The following CMIP variants were observed in gnomAD, a reference collection of about 807,000 sequenced individuals.
The protein encoded by CMIP is C-Maf-inducing protein.
A neutral mutation model predicts 97.3 loss-of-function variants in CMIP; 13 were observed. The ratio of observed to expected loss-of-function variants is 0.13; its 90% confidence interval spans 0.09 to 0.21. The LOEUF (loss-of-function observed/expected upper bound fraction) is 0.21. Among genes scored for constraint, CMIP ranks in the 10% least tolerant of loss-of-function variants. The pLI is 1.00. For synonymous variants in CMIP, 538 were observed against 436.3 expected, an observed-to-expected ratio of 1.23 and a Z score of -2.91; for missense variants, 847 against 1,024.9, an observed-to-expected ratio of 0.83 and a Z score of 2.37.
chr16:81,691,803 C>A lies in CMIP; in HGVS notation c.1417C>A (p.Leu473Met). Residue 473 changes from leucine (L) to methionine (M), a missense_variant, in exon 11 of 21, where the codon CTG (leucine) becomes ATG (methionine). Physicochemically the swap from Leu to Met is conservative, Grantham distance 15 (BLOSUM62 2). Transcript: ENST00000537098. ...LSDYDDWRPS[L>M]ASLLQPIPFP... ...AGACTATGATGACTGGAGACCGTCT[C>A]TGGCCAGTTTGCTTCAACCCATTCC... 2 of 1,613,992 alleles carry A rather than the reference C, an allele frequency of 1.2e-6. No individual in the cohort carries two copies. The highest frequency in any genetic ancestry group is 1.7e-6 in the Non-Finnish European group (2 of 1,179,866).
At chr16:81,603,825 CT>C (rs1477422193) in intron 1 of CMIP, among the ~76,000 whole-genome samples, 2 of 152,194 alleles carry the variant, frequency 1.3e-5, no homozygotes, top group African/African-American at 4.8e-5. Context: ...AAAGATTGGT[CT>C]TTCTCAAAAT....
chr16:81,466,549 CA>C (rs1907217715), intron 1 of CMIP, among the ~76,000 whole-genome samples: 1 of 152,188 alleles, frequency 6.6e-6, no homozygotes, highest in African/African-American at 2.4e-5. Flanking sequence ...GTCTACATCA[CA>C]GGGTTATCAT....
intron 2 of CMIP, 142 bp from the exon 3 acceptor site, chr16:81,620,730 TAGCA>T: frequency 1.1e-6 from 1 of 910,184 alleles, no homozygotes; most frequent in Non-Finnish European, 1.7e-6. Flanking sequence ...AGGCTCAGCT[TAGCA>T]TATCTTTCAG....
At chr16:81,647,704 C>T (rs2092379447) in intron 3 of CMIP, among the ~76,000 whole-genome samples, 2 of 152,128 alleles carry the variant, frequency 1.3e-5, no homozygotes, top group Admixed American at 6.5e-5. Flanking sequence ...GTCCCTATCC[C>T]AGCTCCACCA....
intron 1 of CMIP, among the ~76,000 whole-genome samples, chr16:81,550,010 C>T (rs940507281): frequency 2.0e-5 from 3 of 152,176 alleles, no homozygotes; most frequent in Non-Finnish European, 2.9e-5. Flanking sequence ...CACCCGTGTG[C>T]GTGGGCAAAT....
chr16:81,593,277 T>C (rs1351636275), intron 1 of CMIP, among the ~76,000 whole-genome samples: 1 of 152,080 alleles, frequency 6.6e-6, no homozygotes, highest in Non-Finnish European at 1.5e-5. Context: ...CTTTCTGTCG[T>C]CTTGATGAAC....
At chr16:81,622,227 C>T (rs1567615827) in intron 3 of CMIP, 3 of 152,106 alleles carry the variant, frequency 2.0e-5, no homozygotes, top group African/African-American at 4.8e-5. Flanking sequence ...GGGCTCAGCT[C>T]GACCTTTCCA....
intron 1 of CMIP, among the ~76,000 whole-genome samples, chr16:81,469,029 C>G (rs1168772908): frequency 6.6e-6 from 1 of 152,218 alleles, no homozygotes; most frequent in Non-Finnish European, 1.5e-5. Context: ...TTGAGAGGAC[C>G]TAATTCTTTG....
chr16:81,661,010 G>A (rs1567641552), intron 6 of CMIP, 64 bp downstream of exon 6: 1 of 1,603,036 alleles, frequency 6.2e-7, no homozygotes, highest in Non-Finnish European at 8.5e-7. Context: ...CGCATACCAG[G>A]GATTGGGTTT....
At chr16:81,458,900 T>C (rs1243751396) in intron 1 of CMIP, among the ~76,000 whole-genome samples, 2 of 152,042 alleles carry the variant, frequency 1.3e-5, no homozygotes, top group African/African-American at 4.8e-5. Flanking sequence ...CTTAGTAGAG[T>C]GTGGACACGT....
At chr16:81,645,368 G>A (rs950030420) in intron 3 of CMIP, 74 of 1,446,330 alleles carry the variant, frequency 5.1e-5, no homozygotes, top group South Asian at 1.2e-4. Flanking sequence ...GTGTACGCGC[G>A]CGAGCCCCAG....
chr16:81,644,706 A>C (rs1446209484), intron 3 of CMIP, among the ~76,000 whole-genome samples: 1 of 152,242 alleles, frequency 6.6e-6, no homozygotes, highest in Non-Finnish European at 1.5e-5. Context: ...GTGAGTCTTG[A>C]ATCAGGGAAG....
At chr16:81,670,716 C>T (rs1297690157) in intron 8 of CMIP, among the ~76,000 whole-genome samples, 4 of 151,860 alleles carry the variant, frequency 2.6e-5, no homozygotes, top group Non-Finnish European at 5.9e-5. Context: ...CCATAGTATC[C>T]CTCGCCCAGT....
At position 81,678,580 on chromosome 16, in the gene CMIP, C is replaced by A. The variant is rs1228524163; in HGVS notation, c.1340C>A (p.Pro447His). 6 of 1,605,142 alleles carry A rather than the reference C, an allele frequency of 3.7e-6. No individual in the cohort carries two copies. Among genetic ancestry groups the A allele is most frequent in the Non-Finnish European group, 5.1e-6 (6 of 1,176,160 alleles). ...AGCACCATGAGCATCGAGCTGGGCC[C>A]CCAGGCCGACCGCACGCTCGGCTGC... The part of the protein sequence containing the change: ...ACSTMSIELG[P>H]QADRTLGCYV... The change falls in exon 10 of 21, where the codon CCC (proline) becomes CAC (histidine). Residue 447 changes from proline (P) to histidine (H), a missense_variant. Physicochemically the swap from Pro to His is moderately conservative, Grantham distance 77. This residue lies in a region of CMIP where 202 missense variants were observed against 168.7 expected (regional missense o/e 1.20). Transcript: ENST00000537098.
intron 19 of CMIP, among the ~76,000 whole-genome samples, chr16:81,706,395 G>C (rs2151108025): frequency 6.6e-6 from 1 of 152,364 alleles, no homozygotes; most frequent in South Asian, 2.1e-4. Context: ...GGCTTGGGAG[G>C]AGGTGGGAGC....
chr16:81,590,895 G>A (rs1232750663), intron 1 of CMIP, among the ~76,000 whole-genome samples: 2 of 151,942 alleles, frequency 1.3e-5, no homozygotes, highest in Admixed American at 1.3e-4. Flanking sequence ...CTCTTGAATG[G>A]TTTAGATCAG....
chr16:81,489,680 C>T (rs2089375155), intron 1 of CMIP, among the ~76,000 whole-genome samples: 1 of 152,172 alleles, frequency 6.6e-6, no homozygotes, highest in South Asian at 2.1e-4. Context: ...TATGGAGCCC[C>T]CCTCCCTTCT....
intron 1 of CMIP, among the ~76,000 whole-genome samples, chr16:81,588,955 G>T (rs1322964096): frequency 2.6e-5 from 4 of 152,238 alleles, no homozygotes; most frequent in Admixed American, 2.6e-4. Flanking sequence ...AAGAGGCAGA[G>T]CTGAGATATA....
chr16:81,645,580 G>T (rs773847875), intron 3 of CMIP: 2 of 1,536,040 alleles, frequency 1.3e-6, no homozygotes, highest in South Asian at 2.4e-5. Flanking sequence ...TTGCCAGAGC[G>T]ATGGCAAGTG....
Sources: gnomAD v4.1 joint callset for allele counts (sites outside exome capture counted in the v4.1 genomes callset) on GRCh38, gnomAD v4.1.1 for gene constraint, gnomAD v4.1.1 regional missense constraint, MANE v1.5 for transcripts, NCBI Gene and HGNC (gene_info 2026-07-23, HGNC 2026-07-21) for gene names.